FOXP2: variants seen among roughly 807,000 people sequenced by gnomAD.
FOXP2 encodes the protein forkhead box P2.
FOXP2 carries 12 observed loss-of-function variants against 115.8 expected under a neutral mutation model. The observed-to-expected ratio is 0.10, with a 90% confidence interval of 0.07 to 0.17. The LOEUF is 0.17. FOXP2 is among the 10% of genes least tolerant of loss of function. The pLI, the probability that FOXP2 is intolerant of heterozygous loss-of-function variation, is 1.00. For synonymous variants in FOXP2, 328 were observed against 297.7 expected, an observed-to-expected ratio of 1.10 and a Z score of -1.05; for missense variants, 629 against 843.5, an observed-to-expected ratio of 0.75 and a Z score of 3.15.
upstream of FOXP2, among the ~76,000 whole-genome samples, chr7:114,159,502 G>GAAA (rs3086369): frequency 1.5e-3 from 225 of 151,428 alleles, no homozygotes; most frequent in African/African-American, 3.6e-3. Context: ...TAATGAAAAA[G>GAAA]AAAAAAACAG....
intron 13 of FOXP2, chr7:114,661,748 A>T (rs1806869978): frequency 5.5e-6 from 2 of 360,800 alleles, no homozygotes; most frequent in South Asian, 2.2e-5. Context: ...AACAGAGCTG[A>T]CCTAATTGTT....
chr7:114,637,436 T>A (rs1048050263), intron 6 of FOXP2, among the ~76,000 whole-genome samples: 6 of 152,130 alleles, frequency 3.9e-5, no homozygotes, highest in Non-Finnish European at 8.8e-5. Flanking sequence ...AATCTTCACT[T>A]AAGATAAAAG....
intron 2 of FOXP2, among the ~76,000 whole-genome samples, chr7:114,465,866 A>G (rs1393512599): frequency 6.6e-6 from 1 of 152,062 alleles, no homozygotes; most frequent in Non-Finnish European, 1.5e-5. Context: ...ACCTGATGGC[A>G]ATGTTGGAAG....
chr7:114,431,170 A>T (rs958873281), intron 2 of FOXP2, among the ~76,000 whole-genome samples: 2 of 151,900 alleles, frequency 1.3e-5, no homozygotes, highest in Non-Finnish European at 2.9e-5. Context: ...TCAGCTAATG[A>T]GGTCGAATGG....
intron 2 of FOXP2, among the ~76,000 whole-genome samples, chr7:114,407,229 G>C (rs1793056679): frequency 6.6e-6 from 1 of 151,892 alleles, no homozygotes; most frequent in Non-Finnish European, 1.5e-5. Flanking sequence ...TAAATAAATA[G>C]TAAATAAAAT....
chr7:114,332,159 T>C (rs963242333), intron 2 of FOXP2, among the ~76,000 whole-genome samples: 1 of 152,120 alleles, frequency 6.6e-6, no homozygotes, highest in Non-Finnish European at 1.5e-5. Flanking sequence ...TAGGGGGTAA[T>C]GTTTCTAGAC....
chr7:114,650,862 G>A (rs966972309), intron 8 of FOXP2, among the ~76,000 whole-genome samples: 2 of 152,000 alleles, frequency 1.3e-5, no homozygotes, highest in Non-Finnish European at 1.5e-5. Context: ...TTGTTGTTAT[G>A]ATCAATAAGG....
chr7:114,651,247 A>T, intron 8 of FOXP2, among the ~76,000 whole-genome samples: 1 of 152,022 alleles, frequency 6.6e-6, no homozygotes, highest in East Asian at 1.9e-4. Context: ...ATGCCATTTC[A>T]CTTATATGCA....
intron 1 of FOXP2, among the ~76,000 whole-genome samples, chr7:114,141,851 A>G (rs779041188): frequency 6.6e-6 from 1 of 152,214 alleles, no homozygotes; most frequent in Non-Finnish European, 1.5e-5. Context: ...TGTGGATTAA[A>G]TTACAGAATT....
chr7:114,123,064 T>C (rs1791610466), intron 1 of FOXP2, among the ~76,000 whole-genome samples: 1 of 151,884 alleles, frequency 6.6e-6, no homozygotes, highest in African/African-American at 2.4e-5. Context: ...AAAAATATAT[T>C]TTTGGACTGT....
chr7:114,354,528 G>A (rs1183107684), intron 2 of FOXP2, among the ~76,000 whole-genome samples: 1 of 152,098 alleles, frequency 6.6e-6, no homozygotes, highest in East Asian at 1.9e-4. Context: ...GATGAATGAA[G>A]AGGTACTTTC....
rs1444692949 is a variant in FOXP2 at position 114,539,712 on chromosome 7, TATG to T, written c.258+5013_258+5015del. ...TTATAGAATACAATTTTTGTTAAAC[TATG>T]ATGATGTTTCTATCCATGACCAGCT... On this transcript the variant is annotated intron_variant, in intron 3 of 16. Coordinates refer to ENST00000350908, the MANE Select transcript of FOXP2 (RefSeq NM_014491.4). 2.0e-5 allele frequency among the ~76,000 whole-genome samples: 3 copies of T among 152,164 alleles called. No homozygotes were observed. The East Asian group carries it at 5.8e-4, about 29-fold the overall frequency.
intron 10 of FOXP2, among the ~76,000 whole-genome samples, chr7:114,657,533 A>G (rs541334112): frequency 6.6e-6 from 1 of 152,338 alleles, no homozygotes; most frequent in East Asian, 1.9e-4. Context: ...TTGAATATGT[A>G]GTAATGTCAT....
rs372050195 is a variant in FOXP2 at position 114,568,457 on chromosome 7, TTTTG to T, written c.258+33763_258+33766del. 6.1e-3 allele frequency among the ~76,000 whole-genome samples: 923 copies of T among 151,604 alleles called. 7 individuals carry two copies. The highest frequency in any genetic ancestry group is 0.021 in the African/African-American group (860 of 41,266). On this transcript the variant is annotated intron_variant, in intron 3 of 16. Coordinates refer to ENST00000350908, the MANE Select transcript of FOXP2 (RefSeq NM_014491.4). ...TTGGGGGGGGGTTATTTTGTTTTGT[TTTTG>T]TTTGTTTGTTTTTTGTCAAGGTTAT...
intron 2 of FOXP2, among the ~76,000 whole-genome samples, chr7:114,515,648 T>A (rs1328075419): frequency 6.6e-6 from 1 of 151,894 alleles, no homozygotes; most frequent in Non-Finnish European, 1.5e-5. Context: ...GTTGCGAAAA[T>A]TTTCTCCCAT....
chr7:114,646,126 T>G (rs998452304), intron 8 of FOXP2, among the ~76,000 whole-genome samples: 18 of 149,602 alleles, frequency 1.2e-4, no homozygotes, highest in African/African-American at 4.2e-4. Flanking sequence ...TTTTAACAAA[T>G]TATTTCCCAT....
At chr7:114,374,278 A>G (rs552046379) in intron 2 of FOXP2, among the ~76,000 whole-genome samples, 2 of 152,330 alleles carry the variant, frequency 1.3e-5, no homozygotes, top group South Asian at 4.1e-4. Context: ...GTAGTGAGAC[A>G]GTCTCCTGGA....
chr7:114,380,904 G>A (rs1210056952), intron 2 of FOXP2, among the ~76,000 whole-genome samples: 4 of 152,214 alleles, frequency 2.6e-5, no homozygotes, highest in African/African-American at 4.8e-5. Flanking sequence ...TTGGACCTGT[G>A]TAAGGACTCC....
At chr7:114,332,146 G>A (rs1797729852) in intron 2 of FOXP2, among the ~76,000 whole-genome samples, 2 of 152,112 alleles carry the variant, frequency 1.3e-5, no homozygotes, top group Admixed American at 1.3e-4. Context: ...GTGTGTGCAT[G>A]AGTAGGGGGT....
Sources: gnomAD v4.1 joint callset for allele counts (sites outside exome capture counted in the v4.1 genomes callset) on GRCh38, gnomAD v4.1.1 for gene constraint, MANE v1.5 for transcripts, NCBI Gene and HGNC (gene_info 2026-07-23, HGNC 2026-07-21) for gene names.